The following FRMD4B variants were observed in gnomAD, a reference collection of about 807,000 sequenced individuals.
FRMD4B encodes FERM domain containing 4B.
A neutral mutation model predicts 141.5 loss-of-function variants in FRMD4B; 74 were observed. The ratio of observed to expected loss-of-function variants is 0.52; its 90% CI spans 0.43 to 0.63. The LOEUF (loss-of-function observed/expected upper bound fraction) is 0.63, where lower values mean the gene tolerates loss of function less well. FRMD4B is among the 30% of genes least tolerant of loss of function. FRMD4B has a pLI of 0.00. For synonymous variants in FRMD4B, 506 were observed against 467.9 expected (o/e 1.08, Z -1.05); for missense variants, 1,366 against 1,253.4 (o/e 1.09, Z -1.36).
intron 1 of FRMD4B, chr3:69,322,826 T>C (rs533153405): frequency 6.5e-6 from 1 of 153,536 alleles, no homozygotes; most frequent in African/African-American, 2.4e-5. Flanking sequence ...CTCGAACTCC[T>C]GGACTCAAGC....
chr3:69,521,757 C>T (rs1700858576), intron 1 of FRMD4B, among the ~76,000 whole-genome samples: 1 of 152,176 alleles, frequency 6.6e-6, no homozygotes, highest in Non-Finnish European at 1.5e-5. Context: ...TCACCATACC[C>T]TCTTCCTAGG....
Position 69,196,471 on chromosome 3 carries a change from C to T in FRMD4B, c.1093-75G>A, listed in dbSNP as rs975468258. ...TTAATGAAACAATTAAGTTAACATA[C>T]AATAAAAATAGCAACACAGAGGATA... is the stretch of plus-strand genomic sequence containing the variant. On this transcript the variant is annotated intron_variant, in intron 13 of 22. Transcript: ENST00000398540. 8 of 1,162,108 alleles carry T rather than the reference C, an allele frequency of 6.9e-6. No homozygotes were observed. The Admixed American group carries it at 1.1e-4, about 16-fold the overall frequency. The allele number at this position is 1,162,108 out of a possible 1,614,324, so 72.0% of individuals were successfully genotyped here. A position where few individuals can be genotyped will look rare whatever the true frequency, so the allele number is the denominator to read the frequency against.
At chr3:69,347,575 G>A (rs530157752) in intron 1 of FRMD4B, among the ~76,000 whole-genome samples, 205 of 152,262 alleles carry the variant, frequency 1.3e-3, no homozygotes, top group African/African-American at 4.7e-3. Context: ...TGACCACATA[G>A]TTGGAAGTAA....
upstream of FRMD4B, among the ~76,000 whole-genome samples, chr3:69,386,814 AG>A (rs145360180): frequency 0.022 from 3,297 of 152,292 alleles, 121 homozygotes; most frequent in African/African-American, 0.074. Flanking sequence ...TGCAGCAGTC[AG>A]GGAGAAAAAC....
intron 3 of FRMD4B, among the ~76,000 whole-genome samples, chr3:69,307,089 G>A (rs1575713467): frequency 6.6e-6 from 1 of 152,036 alleles, no homozygotes; most frequent in Non-Finnish European, 1.5e-5. Context: ...CTAGAGCCAG[G>A]AGACACCTCC....
chr3:69,231,588 C>A (rs964338562), intron 7 of FRMD4B, among the ~76,000 whole-genome samples: 16 of 152,162 alleles, frequency 1.1e-4, no homozygotes, highest in African/African-American at 3.9e-4. Context: ...GTGCCCGGCC[C>A]AGCTGCATCC....
chr3:69,445,769 G>T (rs1049767507), intron 1 of FRMD4B, among the ~76,000 whole-genome samples: 3 of 152,054 alleles, frequency 2.0e-5, no homozygotes, highest in South Asian at 4.2e-4. Context: ...AATTCAACTC[G>T]CATGACCTTC....
chr3:69,292,754 C>T (rs1010613392), intron 4 of FRMD4B, among the ~76,000 whole-genome samples: 2 of 150,076 alleles, frequency 1.3e-5, no homozygotes, highest in African/African-American at 4.9e-5. Flanking sequence ...AAAACAAAAT[C>T]TAGGGCTTCT....
rs1701081734 is a variant in FRMD4B at position 69,297,848 on chromosome 3, T to C, written c.416+4495A>G. Among the ~76,000 whole-genome samples, 11 of 152,230 alleles carry C rather than the reference T, an allele frequency of 7.2e-5. No individual in the cohort carries two copies. In the South Asian group the frequency reaches 2.1e-3, roughly 29 times the overall value. On this transcript the variant is annotated intron_variant, in intron 4 of 22. Coordinates refer to ENST00000398540, the MANE Select transcript of FRMD4B (RefSeq NM_015123.3). ...GGTTAAATAAATTATGGTACCTAAA[T>C]AAATTATGGTGCGTCTATACACACA...
chr3:69,365,626 G>A (rs1703619421), intron 1 of FRMD4B, among the ~76,000 whole-genome samples: 1 of 151,586 alleles, frequency 6.6e-6, no homozygotes, highest in South Asian at 2.1e-4. Flanking sequence ...CTTAGCCTCT[G>A]AATAGCTGGG....
intron 2 of FRMD4B, among the ~76,000 whole-genome samples, chr3:69,404,244 G>C (rs151121836): frequency 2.0e-5 from 3 of 152,250 alleles, no homozygotes; most frequent in African/African-American, 7.2e-5. Context: ...ATCGCAAATA[G>C]AAAATACAGT....
intron 1 of FRMD4B, among the ~76,000 whole-genome samples, chr3:69,519,477 C>A (rs1014186687): frequency 6.6e-6 from 1 of 152,084 alleles, no homozygotes; most frequent in Non-Finnish European, 1.5e-5. Flanking sequence ...GGAAAGCAGT[C>A]ATCCTCTTAC....
chr3:69,427,337 T>G (rs1310641595), intron 2 of FRMD4B, among the ~76,000 whole-genome samples: 3 of 148,842 alleles, frequency 2.0e-5, no homozygotes, highest in Non-Finnish European at 3.0e-5. Context: ...CCTGTTTTTT[T>G]GGCAACTCAT....
intron 1 of FRMD4B, among the ~76,000 whole-genome samples, chr3:69,315,864 A>AT: frequency 6.6e-6 from 1 of 152,386 alleles, no homozygotes; most frequent in Non-Finnish European, 1.5e-5. Context: ...GTACAAAACT[A>AT]TAAGTTTTAG....
At chr3:69,471,726 C>A in intron 1 of FRMD4B, 1 of 159,334 alleles carries the variant, frequency 6.3e-6, no homozygotes. Context: ...TGAGAACGGG[C>A]TTGAGTACTT....
intron 1 of FRMD4B, among the ~76,000 whole-genome samples, chr3:69,340,992 A>G (rs1260824567): frequency 6.6e-6 from 1 of 152,224 alleles, no homozygotes; most frequent in African/African-American, 2.4e-5. Context: ...AGTTGCATAT[A>G]AAATATAAAA....
rs975758138 is a variant in FRMD4B, at chr3:69,231,650, G to A, written c.582-6960C>T. On this transcript the variant is annotated intron_variant, in intron 7 of 22. Transcript: ENST00000398540. ...ACATGTTTTACACATTATTCTATGT[G>A]ATATAATTCACAACAAAAATGGAAT... 5.3e-5 allele frequency among the ~76,000 whole-genome samples: 8 copies of A among 152,172 alleles called. No individual in the cohort carries two copies. In the South Asian group the frequency reaches 1.7e-3, roughly 31 times the overall value.
At chr3:69,428,209 A>G (rs1705117644) in intron 2 of FRMD4B, among the ~76,000 whole-genome samples, 1 of 151,484 alleles carries the variant, frequency 6.6e-6, no homozygotes, top group South Asian at 2.1e-4. Flanking sequence ...CTCTGGAGCT[A>G]TATAATTTTG....
At chr3:69,359,535 G>T (rs548340016) in intron 1 of FRMD4B, among the ~76,000 whole-genome samples, 2 of 152,294 alleles carry the variant, frequency 1.3e-5, no homozygotes, top group South Asian at 4.1e-4. Context: ...GCAGCTGGAG[G>T]GGGTGCACTA....
Sources: allele counts gnomAD v4.1 joint callset (sites outside exome capture counted in the v4.1 genomes callset), GRCh38; gene constraint gnomAD v4.1.1; transcripts MANE v1.5; gene names NCBI Gene and HGNC (gene_info 2026-07-23, HGNC 2026-07-21).